The following DNAH5 variants were observed in gnomAD, a reference collection of about 807,000 sequenced individuals.
DNAH5 encodes the protein axonemal beta dynein heavy chain 5.
A neutral mutation model predicts 518.2 loss-of-function variants in DNAH5; 372 were observed. The observed-to-expected ratio is 0.72, with a 90% CI of 0.66 to 0.78. DNAH5 has a LOEUF of 0.78. Among genes scored for constraint, DNAH5 ranks in the 30% least tolerant of loss-of-function variants. The pLI, the probability that DNAH5 is intolerant of heterozygous loss-of-function variation, is 0.00. For missense variants in DNAH5, 5,523 were observed against 5,687.0 expected, an observed-to-expected ratio of 0.97 and a Z score of 0.93; for synonymous variants, 2,039 against 2,025.9, an observed-to-expected ratio of 1.01 and a Z score of -0.17.
chr5:13,923,148 TA>T (rs879808027), intron 4 of DNAH5, 131 bp downstream of exon 4: 1 of 1,236,016 alleles, frequency 8.1e-7, no homozygotes, highest in Non-Finnish European at 1.2e-6. Flanking sequence ...TTTAAATTTT[TA>T]AAAAATACTT....
intron 30 of DNAH5, among the ~76,000 whole-genome samples, chr5:13,853,343 C>T (rs1259651860): frequency 6.6e-6 from 1 of 152,106 alleles, no homozygotes; most frequent in African/African-American, 2.4e-5. Flanking sequence ...AAAAGGACGA[C>T]CACACAAAAA....
intron 28 of DNAH5, among the ~76,000 whole-genome samples, chr5:13,863,581 C>G (rs1580646835): frequency 6.6e-6 from 1 of 152,086 alleles, no homozygotes; most frequent in Admixed American, 6.6e-5. Context: ...GAATTCTCCT[C>G]AAATATCCCT....
chr5:13,858,049 C>T (rs1052867472), intron 30 of DNAH5, among the ~76,000 whole-genome samples: 1 of 152,096 alleles, frequency 6.6e-6, no homozygotes, highest in Non-Finnish European at 1.5e-5. Context: ...GCCACTTGAC[C>T]CAGCAATCCC....
intron 35 of DNAH5, among the ~76,000 whole-genome samples, chr5:13,835,066 C>T (rs1764188688): frequency 6.6e-6 from 1 of 152,040 alleles, no homozygotes; most frequent in African/African-American, 2.4e-5. Flanking sequence ...GGGCAGATCA[C>T]CTGAGGTCAA....
At chr5:13,839,187 A>G (rs1160664702) in intron 35 of DNAH5, among the ~76,000 whole-genome samples, 169 bp downstream of exon 35, 1 of 152,220 alleles carries the variant, frequency 6.6e-6, no homozygotes, top group Non-Finnish European at 1.5e-5. Context: ...TGTGTCAGTC[A>G]CAAACCTAAA....
intron 1 of DNAH5, among the ~76,000 whole-genome samples, chr5:13,996,473 T>C (rs1374952867): frequency 6.6e-6 from 1 of 152,242 alleles, no homozygotes; most frequent in Non-Finnish European, 1.5e-5. Flanking sequence ...ATTCAAGGTA[T>C]GATTCATGTG....
chr5:13,789,559 G>A lies in DNAH5; in HGVS notation c.8449-645C>T, dbSNP rs879908709. On this transcript the variant is annotated intron_variant, in intron 50 of 78. Coordinates refer to ENST00000265104, the MANE Select transcript of DNAH5 (RefSeq NM_001369.3). Reference sequence around the variant, plus strand: ...AGACTGGTGGAAATTTCTTAGCTTCGTAACATTTTTCAGGTTACAGATTTT... The same window carrying A: ...AGACTGGTGGAAATTTCTTAGCTTCATAACATTTTTCAGGTTACAGATTTT... Among the ~76,000 whole-genome samples, 7 of 152,112 alleles carry A rather than the reference G, an allele frequency of 4.6e-5. No homozygotes were observed. The East Asian group carries it at 7.7e-4, about 17-fold the overall frequency.
chr5:13,901,909 C>A, intron 13 of DNAH5, 144 bp downstream of exon 13: 1 of 655,890 alleles, frequency 1.5e-6, no homozygotes, highest in South Asian at 1.9e-5. Flanking sequence ...CTCTGAAAAA[C>A]TTAAAAACTA....
intron 16 of DNAH5, among the ~76,000 whole-genome samples, chr5:13,893,136 G>A (rs560046887): frequency 7.9e-5 from 12 of 152,146 alleles, no homozygotes; most frequent in South Asian, 6.2e-4. Context: ...TGGAAAGTGC[G>A]GTGAAAATCT....
intron 59 of DNAH5, among the ~76,000 whole-genome samples, chr5:13,763,191 C>A (rs942515775): frequency 6.6e-6 from 1 of 152,182 alleles, no homozygotes; most frequent in Non-Finnish European, 1.5e-5. Flanking sequence ...GTGATGAACA[C>A]TAATATTGTT....
Position 13,932,752 on chromosome 5 carries a change from G to A in DNAH5, c.58-1508C>T, listed in dbSNP as rs116360439. On this transcript the variant is annotated intron_variant, in intron 1 of 78. Transcript: ENST00000265104. ...TGCATGCCCAGAGGCAGTCAGGTGG[G>A]TGATGGTGGCATTCCCAGACACTGG... Among the ~76,000 whole-genome samples, 411 of 152,340 alleles carry A rather than the reference G, an allele frequency of 2.7e-3. 1 individual carries two copies. Among genetic ancestry groups the A allele is most frequent in the Non-Finnish European group, 4.1e-3 (280 of 68,036 alleles).
upstream of DNAH5, among the ~76,000 whole-genome samples, chr5:13,945,655 G>C (rs138083647): frequency 2.0e-5 from 3 of 152,058 alleles, no homozygotes; most frequent in African/African-American, 7.2e-5. Context: ...ACACAGGCTG[G>C]AGTGCAGTTG....
intron 27 of DNAH5, among the ~76,000 whole-genome samples, chr5:13,865,006 CTTTT>C (rs70964512): frequency 0.38 from 46,777 of 124,320 alleles, 8,504 homozygotes; most frequent in South Asian, 0.45. Flanking sequence ...ACAAATAGCT[CTTTT>C]TTTTTTTTTT....
intron 1 of DNAH5, among the ~76,000 whole-genome samples, chr5:13,967,347 T>C (rs1781593120): frequency 6.6e-6 from 1 of 152,228 alleles, no homozygotes; most frequent in South Asian, 2.1e-4. Flanking sequence ...TTGAGTTGAT[T>C]TTTGTGTAAG....
At chr5:13,743,494 T>C (rs1290648021) in intron 65 of DNAH5, among the ~76,000 whole-genome samples, 1 of 151,974 alleles carries the variant, frequency 6.6e-6, no homozygotes, top group Non-Finnish European at 1.5e-5. Context: ...ACCAAAAAGC[T>C]TCTGCACAGC....
At chr5:13,761,437 C>G (rs548366590) in intron 60 of DNAH5, among the ~76,000 whole-genome samples, 3 of 151,792 alleles carry the variant, frequency 2.0e-5, no homozygotes, top group South Asian at 4.2e-4. Flanking sequence ...ACTAAAAATA[C>G]AAAAAATTAG....
intron 22 of DNAH5, among the ~76,000 whole-genome samples, chr5:13,873,343 C>G (rs986715672): frequency 6.6e-6 from 1 of 151,832 alleles, no homozygotes; most frequent in African/African-American, 2.4e-5. Context: ...GTTACTGTTA[C>G]TATTTTACTA....
intron 75 of DNAH5, among the ~76,000 whole-genome samples, chr5:13,710,631 A>G (rs1255628114): frequency 1.3e-5 from 2 of 152,238 alleles, no homozygotes; most frequent in Non-Finnish European, 2.9e-5. Flanking sequence ...AGATTCACCA[A>G]GAAAAGAAGA....
Position 13,707,201 on chromosome 5 carries a change from A to C in DNAH5, c.13338+922T>G, listed in dbSNP as rs1272524683. On this transcript the variant is annotated intron_variant, in intron 76 of 78. Coordinates refer to ENST00000265104, the MANE Select transcript of DNAH5 (RefSeq NM_001369.3). This position sits in a 1 kb window ranked among gnomAD's most constrained non-coding sequence, Gnocchi z 4.0. ...GGAATTTGCTCAGGCATGGTCAGAG[A>C]AGAGTCCGGTCACTGGGCGGCCCAA... Among the ~76,000 whole-genome samples the C allele has an allele frequency of 6.7e-6, 1 of 148,394 alleles. No homozygotes were observed. The highest frequency in any genetic ancestry group is 2.0e-4 in the East Asian group (1 of 5,030).
Sources: gnomAD v4.1 joint callset for allele counts (sites outside exome capture counted in the v4.1 genomes callset) on GRCh38, gnomAD v4.1.1 for gene constraint, Gnocchi (gnomAD v3.1) non-coding constraint, MANE v1.5 for transcripts, NCBI Gene and HGNC (gene_info 2026-07-23, HGNC 2026-07-21) for gene names.